Variants in PCDH15 observed in about 807,000 individuals in gnomAD.
The protein encoded by PCDH15 is protocadherin related 15.
Under a neutral mutation model 178.5 loss-of-function variants are expected in PCDH15, and 129 were observed. The ratio of observed to expected loss-of-function variants is 0.72; its 90% CI spans 0.63 to 0.84. The LOEUF (loss-of-function observed/expected upper bound fraction) is 0.84, where lower values mean the gene tolerates loss of function less well. Among genes scored for constraint, PCDH15 ranks in the 40% least tolerant of loss-of-function variants. The pLI is 0.00. For synonymous variants in PCDH15, 800 were observed against 732.0 expected, an observed-to-expected ratio of 1.09 and a Z score of -1.50; for missense variants, 2,230 against 2,099.9, an observed-to-expected ratio of 1.06 and a Z score of -1.21.
At chr10:55,077,870 T>G (rs1841947484) in intron 2 of PCDH15, among the ~76,000 whole-genome samples, 1 of 152,112 alleles carries the variant, frequency 6.6e-6, no homozygotes, top group Non-Finnish European at 1.5e-5. Context: ...AATGATATCA[T>G]TTCAGTTTTT....
intron 20 of PCDH15, among the ~76,000 whole-genome samples, chr10:54,015,859 A>T (rs908148674): frequency 7.3e-6 from 1 of 136,972 alleles, no homozygotes; most frequent in Non-Finnish European, 1.6e-5. Context: ...CATAACAGAG[A>T]TGCCAAAAGC....
chr10:54,719,977 A>G (rs1941309704), intron 1 of PCDH15, among the ~76,000 whole-genome samples: 1 of 151,966 alleles, frequency 6.6e-6, no homozygotes, highest in Non-Finnish European at 1.5e-5. Flanking sequence ...AATAGTGTAA[A>G]TCAAAACCAC....
At chr10:55,069,065 T>TG (rs1841646315) in intron 2 of PCDH15, among the ~76,000 whole-genome samples, 1 of 8,444 alleles carries the variant, frequency 1.2e-4, no homozygotes, top group African/African-American at 5.6e-4. Context: ...GTCCAGCTAT[T>TG]TTTTTTTTTT....
At chr10:54,383,282 AAAG>A (rs1441776808) in intron 3 of PCDH15, among the ~76,000 whole-genome samples, 1 of 152,158 alleles carries the variant, frequency 6.6e-6, no homozygotes, top group East Asian at 1.9e-4. Context: ...TATAAAACAA[AAAG>A]AAGGCAACAG....
At chr10:54,442,250 T>C (rs1311073622) in intron 3 of PCDH15, among the ~76,000 whole-genome samples, 1 of 150,346 alleles carries the variant, frequency 6.7e-6, no homozygotes, top group East Asian at 2.0e-4. Flanking sequence ...ACTTTGATCT[T>C]GAGCCTTGAC....
At chr10:55,547,910 T>TGAGAGAGAGA (rs763752387) in intron 2 of PCDH15, among the ~76,000 whole-genome samples, 86 of 54,466 alleles carry the variant, frequency 1.6e-3, no homozygotes, top group South Asian at 3.9e-3. Context: ...TGTGTGTGTG[T>TGAGAGAGAGA]GAGAGAGAGA....
In PCDH15 at chr10:54,794,187, T is replaced by C. The variant is rs184291908; in HGVS notation, c.-29+6738A>G. On this transcript the variant is annotated intron_variant, in intron 1 of 37. Transcript: ENST00000644397. ...ATAATCTACATCAAAATGGCAACTA[T>C]TTACTAAACATGCATTTTATTACAT... Among the ~76,000 whole-genome samples the C allele has an allele frequency of 3.3e-5, 5 of 149,800 alleles. No homozygotes were observed. In the Admixed American group the frequency reaches 3.3e-4, roughly 10 times the overall value.
At chr10:55,494,512 T>C (rs1327638727) in intron 2 of PCDH15, among the ~76,000 whole-genome samples, 1 of 151,726 alleles carries the variant, frequency 6.6e-6, no homozygotes, top group Non-Finnish European at 1.5e-5. Flanking sequence ...TTTTCCTTTT[T>C]CTGTCTTTTG....
intron 14 of PCDH15, among the ~76,000 whole-genome samples, chr10:54,139,074 G>A (rs958966679): frequency 1.3e-5 from 2 of 152,036 alleles, no homozygotes; most frequent in Non-Finnish European, 2.9e-5. Flanking sequence ...ATACATTTTT[G>A]CTGAGTTTTA....
intron 8 of PCDH15, among the ~76,000 whole-genome samples, chr10:54,297,462 T>C (rs2059876094): frequency 6.6e-6 from 1 of 152,164 alleles, no homozygotes; most frequent in South Asian, 2.1e-4. Flanking sequence ...ATGTCCAAGC[T>C]TTCTTTTCAT....
intron 1 of PCDH15, among the ~76,000 whole-genome samples, chr10:55,309,126 G>A (rs1056662831): frequency 7.9e-5 from 12 of 152,050 alleles, no homozygotes; most frequent in Non-Finnish European, 1.2e-4. Context: ...TAATTTAAGC[G>A]TTCTCTTACA....
chr10:55,598,568 A>ATATATATATAT (rs1842991917), intron 2 of PCDH15, among the ~76,000 whole-genome samples: 1 of 114,860 alleles, frequency 8.7e-6, no homozygotes, highest in Non-Finnish European at 1.9e-5. Context: ...ATATATATAT[A>ATATATATATAT]GTAAACACAA....
Position 53,866,780 on chromosome 10 carries a change from T to A in PCDH15, c.3579A>T (p.Glu1193Asp). The A allele has an allele frequency of 6.2e-7, 1 of 1,613,540 alleles. No individual in the cohort carries two copies. Among genetic ancestry groups the A allele is most frequent in the South Asian group, 1.1e-5 (1 of 91,080 alleles). The change falls in exon 27 of 38, where the codon GAA becomes GAT. Residue 1193 changes from glutamate to aspartate, a missense_variant. Glu to Asp is a conservative substitution (Grantham distance 45). Transcript: ENST00000644397. Reference protein sequence around the residue: ...LIIPPIKEGKEGFVVETYTGL... With the variant: ...LIIPPIKEGKDGFVVETYTGL... ...CTGTATATGTTTCCACTACAAATCC[T>A]TCTTTTCCCTCTTTAATTGGTGGTA...
intron 2 of PCDH15, among the ~76,000 whole-genome samples, chr10:55,461,321 T>C (rs1839672098): frequency 6.6e-6 from 1 of 152,148 alleles, no homozygotes. Context: ...CAGTAACCTA[T>C]TTCAGGCAGG....
At chr10:55,284,997 A>T (rs996301685) in intron 1 of PCDH15, among the ~76,000 whole-genome samples, 3 of 151,718 alleles carry the variant, frequency 2.0e-5, no homozygotes, top group Non-Finnish European at 2.9e-5. Context: ...GGGAAGTGAG[A>T]TCGCTTCAAA....
intron 2 of PCDH15, among the ~76,000 whole-genome samples, chr10:55,548,412 T>A (rs1026522754): frequency 6.6e-6 from 1 of 152,066 alleles, no homozygotes; most frequent in Non-Finnish European, 1.5e-5. Context: ...CCCAAGGAAT[T>A]TGAGTTCTAT....
At chr10:54,009,270 A>G (rs1009724782) in intron 20 of PCDH15, among the ~76,000 whole-genome samples, 6 of 152,122 alleles carry the variant, frequency 3.9e-5, no homozygotes, top group Non-Finnish European at 7.4e-5. Context: ...ATATCTTAGG[A>G]CAGAGAGACA....
At chr10:54,976,257 G>T (rs75614151) in intron 2 of PCDH15, among the ~76,000 whole-genome samples, 1 of 152,058 alleles carries the variant, frequency 6.6e-6, no homozygotes, top group African/African-American at 2.4e-5. Flanking sequence ...TCTCAAGATT[G>T]GTTCTAGAAC....
At position 54,361,299 on chromosome 10, in the gene PCDH15, T is replaced by G. The variant is rs117868540; in HGVS notation, c.474+7821A>C. On this transcript the variant is annotated intron_variant, in intron 5 of 37. Transcript: ENST00000644397. ...TCCAAGGGTCAACTGTAAAGTTTAATAAAATATTTCCTCAAAAAGAAATGC... is the reference window on the plus strand; with the variant it reads ...TCCAAGGGTCAACTGTAAAGTTTAAGAAAATATTTCCTCAAAAAGAAATGC... Among the ~76,000 whole-genome samples the G allele has an allele frequency of 3.4e-3, 524 of 152,204 alleles. 1 individual carries two copies. The highest frequency in any genetic ancestry group is 5.8e-3 in the Admixed American group (89 of 15,246).
Sources: gnomAD v4.1 joint callset for allele counts (sites outside exome capture counted in the v4.1 genomes callset) on GRCh38, gnomAD v4.1.1 for gene constraint, MANE v1.5 for transcripts, NCBI Gene and HGNC (gene_info 2026-07-23, HGNC 2026-07-21) for gene names.